The following BCAR3 variants were observed in gnomAD, a reference collection of about 807,000 sequenced individuals.
The protein encoded by BCAR3 is breast cancer anti-estrogen resistance protein 3.
A neutral mutation model predicts 80.1 loss-of-function variants in BCAR3; 37 were observed. That is an observed-to-expected ratio of 0.46 (90% CI 0.36 to 0.61). BCAR3 has a LOEUF of 0.61. BCAR3 is among the 20% of genes least tolerant of loss of function. The pLI is 0.00. For missense variants in BCAR3, 978 were observed against 1,068.2 expected (o/e 0.92, Z 1.18); for synonymous variants, 389 against 418.9 (o/e 0.93, Z 0.87).
intron 3 of BCAR3, among the ~76,000 whole-genome samples, chr1:93,609,114 C>CT (rs1294488665): frequency 6.6e-6 from 1 of 152,146 alleles, no homozygotes; most frequent in African/African-American, 2.4e-5. Flanking sequence ...TTCCAGGGGC[C>CT]TGGCACTCTA....
At chr1:93,777,448 T>C (rs1652607874) in intron 2 of BCAR3, among the ~76,000 whole-genome samples, 1 of 146,680 alleles carries the variant, frequency 6.8e-6, no homozygotes, top group African/African-American at 2.6e-5. Flanking sequence ...CTCTTCCTCC[T>C]CCTCCTCTTC....
chr1:93,770,496 C>G (rs1391170118), intron 2 of BCAR3, among the ~76,000 whole-genome samples: 1 of 152,086 alleles, frequency 6.6e-6, no homozygotes, highest in East Asian at 1.9e-4. Flanking sequence ...AGCTCAGAGG[C>G]AAACATTTTT....
Position 93,763,544 on chromosome 1 carries a change from C to A in BCAR3, c.-62-57402G>T, listed in dbSNP as rs560457175. Reference sequence around the variant, plus strand: ...CTGGCTAAGGTCATACAACTAGTGACAGAGCCAGAATTTGAACTCAAGCCT... The same window carrying A: ...CTGGCTAAGGTCATACAACTAGTGAAAGAGCCAGAATTTGAACTCAAGCCT... On this transcript the variant is annotated intron_variant, in intron 2 of 13. Transcript: ENST00000370244. 4.6e-5 allele frequency among the ~76,000 whole-genome samples: 7 copies of A among 152,338 alleles called. No individual in the cohort carries two copies. The South Asian group carries it at 1.4e-3, about 32-fold the overall frequency.
chr1:93,676,554 T>C lies in BCAR3; in HGVS notation c.-11-1613A>G, dbSNP rs539841799. On this transcript the variant is annotated intron_variant, in intron 1 of 11. Coordinates refer to ENST00000260502, the MANE Select transcript of BCAR3 (RefSeq NM_003567.4). ...TCTGCTCACAGTGGGTGCAGAACAA[T>C]AGGACAGAGTCCTGTGCAGCCCCTC... Among the ~76,000 whole-genome samples the C allele has an allele frequency of 1.5e-3, 223 of 152,308 alleles. 1 individual carries two copies. The highest frequency in any genetic ancestry group is 7.7e-3 in the South Asian group (37 of 4,822).
At chr1:93,705,709 C>G (rs1649808419) in intron 3 of BCAR3, among the ~76,000 whole-genome samples, 1 of 152,218 alleles carries the variant, frequency 6.6e-6, no homozygotes, top group Admixed American at 6.5e-5. Context: ...TTCTTCACCA[C>G]TGAAATGAGG....
chr1:93,677,863 C>T (rs566511669), intron 1 of BCAR3, among the ~76,000 whole-genome samples: 1 of 152,236 alleles, frequency 6.6e-6, no homozygotes, highest in South Asian at 2.1e-4. Context: ...GAATCATCAA[C>T]ATAAAGGCAA....
chr1:93,771,687 C>T (rs12124395), intron 2 of BCAR3, among the ~76,000 whole-genome samples: 17,712 of 152,110 alleles, frequency 0.12, 1,419 homozygotes, highest in African/African-American at 0.22. Context: ...AGAATCCATA[C>T]TCTGCAGGAT....
chr1:93,568,203 TA>T (rs112237373), intron 9 of BCAR3: 18 of 145,724 alleles, frequency 1.2e-4, no homozygotes, highest in African/African-American at 5.1e-4. Context: ...AAAAAATAAA[TA>T]AAATAAAATT....
At position 93,582,564 on chromosome 1, in the gene BCAR3, A is replaced by G. The variant is rs1176100499; in HGVS notation, c.1423T>C (p.Tyr475His). The G allele has an allele frequency of 6.2e-7, 1 of 1,613,244 alleles. No homozygotes were observed. Among genetic ancestry groups the G allele is most frequent in the African/African-American group, 1.3e-5 (1 of 74,830 alleles). ...CTGTCATCATCATCAAGGATCAAGT[A>G]GTTGACGCCAGAGTTCCGGGGACCT... is the stretch of plus-strand genomic sequence containing the variant. ...APGPRNSGVN[Y>H]LILDDDDRER... Residue 475 changes from tyrosine (Y) to histidine (H), a missense_variant, in exon 7 of 12, where the codon TAC becomes CAC. Coordinates refer to ENST00000260502, the MANE Select transcript of BCAR3 (RefSeq NM_003567.4).
chr1:93,820,808 C>T (rs1654188005), intron 2 of BCAR3, among the ~76,000 whole-genome samples: 1 of 152,128 alleles, frequency 6.6e-6, no homozygotes, highest in African/African-American at 2.4e-5. Flanking sequence ...AGTTCCAACC[C>T]TCTAATCGTA....
At chr1:93,695,684 T>C (rs911946476) in intron 3 of BCAR3, among the ~76,000 whole-genome samples, 1 of 152,224 alleles carries the variant, frequency 6.6e-6, no homozygotes, top group African/African-American at 2.4e-5. Context: ...TGTAATTCTC[T>C]GCAGTCAGGC....
At chr1:93,806,549 T>G (rs559250301) in intron 2 of BCAR3, among the ~76,000 whole-genome samples, 17 of 152,350 alleles carry the variant, frequency 1.1e-4, no homozygotes, top group African/African-American at 3.8e-4. Context: ...TAATCTTTCC[T>G]GGTTATTTGA....
At chr1:93,783,689 G>A (rs990946106) in intron 2 of BCAR3, among the ~76,000 whole-genome samples, 12 of 152,164 alleles carry the variant, frequency 7.9e-5, no homozygotes, top group South Asian at 4.1e-4. Flanking sequence ...TCTATAAAGC[G>A]TAAAACATGC....
intron 3 of BCAR3, among the ~76,000 whole-genome samples, chr1:93,689,849 T>G (rs372085930): frequency 1.3e-5 from 2 of 152,114 alleles, no homozygotes; most frequent in African/African-American, 4.8e-5. Flanking sequence ...CATTTATGCT[T>G]CACCAACTCC....
chr1:93,668,932 G>A (rs1415368050), intron 2 of BCAR3, among the ~76,000 whole-genome samples: 1 of 151,872 alleles, frequency 6.6e-6, no homozygotes, highest in African/African-American at 2.4e-5. Flanking sequence ...GGCTGGTCTC[G>A]AACTCCTGAC....
At chr1:93,698,518 C>T (rs1649506430) in intron 3 of BCAR3, among the ~76,000 whole-genome samples, 1 of 152,170 alleles carries the variant, frequency 6.6e-6, no homozygotes, top group African/African-American at 2.4e-5. Context: ...CCTCCTTTAA[C>T]CCCTTCAGGA....
chr1:93,701,710 T>C (rs1332398987), intron 3 of BCAR3, among the ~76,000 whole-genome samples: 1 of 152,174 alleles, frequency 6.6e-6, no homozygotes, highest in African/African-American at 2.4e-5. Flanking sequence ...CCCCTGGGCC[T>C]CTCTCCAAGG....
chr1:93,704,101 T>C (rs965115815), intron 3 of BCAR3, among the ~76,000 whole-genome samples: 1 of 152,204 alleles, frequency 6.6e-6, no homozygotes, highest in East Asian at 1.9e-4. Context: ...AGCACAGGGC[T>C]AGTGAGAGAC....
Position 93,804,712 on chromosome 1 carries a change from G to A in BCAR3, c.-63+40855C>T, listed in dbSNP as rs373883217. Among the ~76,000 whole-genome samples the A allele has an allele frequency of 1.9e-4, 29 of 152,284 alleles. 1 individual carries two copies. In the South Asian group the frequency reaches 3.7e-3, roughly 20 times the overall value. On this transcript the variant is annotated intron_variant, in intron 2 of 13. Coordinates refer to the BCAR3 transcript ENST00000370244. Reference sequence around the variant, plus strand: ...ATTTTCCACTTAATATTTTTGGACCGAAGTTGACTGCAAGTAACTGAAACT... The same window carrying A: ...ATTTTCCACTTAATATTTTTGGACCAAAGTTGACTGCAAGTAACTGAAACT...
Sources: gnomAD v4.1 joint callset for allele counts (sites outside exome capture counted in the v4.1 genomes callset) on GRCh38, gnomAD v4.1.1 for gene constraint, MANE v1.5 for transcripts, NCBI Gene and HGNC (gene_info 2026-07-23, HGNC 2026-07-21) for gene names.